PRR5L: variants seen among roughly 807,000 people sequenced by gnomAD.
PRR5L encodes proline-rich protein 5-like.
A neutral mutation model predicts 36.4 loss-of-function variants in PRR5L; 21 were observed. That is an observed-to-expected ratio of 0.58 (90% confidence interval 0.41 to 0.83). The LOEUF is 0.83. Ranked by LOEUF, PRR5L falls within the 40% of genes least tolerant of loss-of-function variation. PRR5L has a pLI of 0.00. For missense variants in PRR5L, 381 were observed against 473.3 expected, an observed-to-expected ratio of 0.80 and a Z score of 1.81; for synonymous variants, 188 against 197.0, an observed-to-expected ratio of 0.95 and a Z score of 0.38.
chr11:36,403,642 T>C (rs971567403), intron 3 of PRR5L, among the ~76,000 whole-genome samples: 2 of 152,168 alleles, frequency 1.3e-5, no homozygotes, highest in African/African-American at 4.8e-5. Context: ...ATGGCAGCTG[T>C]CATTTATTCT....
At chr11:36,320,140 G>A (rs923027976) in intron 1 of PRR5L, among the ~76,000 whole-genome samples, 1 of 151,930 alleles carries the variant, frequency 6.6e-6, no homozygotes, top group African/African-American at 2.4e-5. Context: ...TTGTGTCGTC[G>A]TACCTCTGCC....
chr11:36,320,369 G>A (rs977297655), intron 1 of PRR5L, among the ~76,000 whole-genome samples: 18 of 150,978 alleles, frequency 1.2e-4, no homozygotes, highest in Admixed American at 5.3e-4. Context: ...TCAGCCTCCC[G>A]AGTAACTGGG....
In PRR5L at chr11:36,401,187, T is replaced by C. The variant is rs1200352198; in HGVS notation, c.66T>C (p.Pro22=). The change falls in exon 2 of 9, where the codon CCT becomes CCC. Residue 22 remains proline, a synonymous_variant. Coordinates refer to ENST00000530639, the MANE Select transcript of PRR5L (RefSeq NM_001160167.2). The stretch of plus-strand genomic sequence containing the variant: ...ACAAGATGGGCTCCTTCCGCAGGCC[T>C]AGACCGCGCTTCATGAGCTCCCCCG... ...EFHKMGSFRR[P]RPRFMSSPVL... 6.2e-7 allele frequency: 1 copy of C among 1,614,008 alleles called. No individual in the cohort carries two copies. Among genetic ancestry groups the C allele is most frequent in the African/African-American group, 1.3e-5 (1 of 74,920 alleles).
At chr11:36,374,089 C>T (rs1857225981) in intron 1 of PRR5L, among the ~76,000 whole-genome samples, 1 of 118,126 alleles carries the variant, frequency 8.5e-6, no homozygotes. Flanking sequence ...TTCCTTCCTT[C>T]CTTCCTTCCT....
chr11:36,452,701 C>T (rs1411330653), intron 8 of PRR5L, among the ~76,000 whole-genome samples: 1 of 152,226 alleles, frequency 6.6e-6, no homozygotes, highest in Non-Finnish European at 1.5e-5. Context: ...ACTGGGGCAT[C>T]CAGGGAGCTG....
chr11:36,454,834 A>G (rs989649655), intron 8 of PRR5L: 1 of 152,316 alleles, frequency 6.6e-6, no homozygotes, highest in Admixed American at 6.5e-5. Flanking sequence ...CATAGGTCAG[A>G]GGCCCACGAT....
rs1859267566 is a variant in PRR5L, at chr11:36,465,014, T to TGGA, written c.*2280_*2282dup. Reference sequence around the variant, plus strand: ...GTCATGTTAGCTATCAGAGAGCTATTGGAGTGAGAGCTGAGGTGTCCTTAA... The same window carrying TGGA: ...GTCATGTTAGCTATCAGAGAGCTATTGGAGGAGTGAGAGCTGAGGTGTCCTTAA... On this transcript the variant is annotated 3_prime_UTR_variant, in exon 9 of 9. Coordinates refer to ENST00000530639, the MANE Select transcript of PRR5L (RefSeq NM_001160167.2). 1 of 152,230 alleles carries TGGA rather than the reference T, an allele frequency of 6.6e-6. No homozygotes were observed. Among genetic ancestry groups the TGGA allele is most frequent in the African/African-American group, 2.4e-5 (1 of 41,458 alleles). The allele number at this position is 152,230 out of a possible 1,614,324, so 9.4% of individuals were successfully genotyped here.
chr11:36,304,099 C>T (rs1197785315), intron 1 of PRR5L, among the ~76,000 whole-genome samples: 3 of 152,174 alleles, frequency 2.0e-5, no homozygotes, highest in African/African-American at 7.2e-5. Flanking sequence ...GAGGCCATTC[C>T]TCAGTTATAT....
intron 3 of PRR5L, among the ~76,000 whole-genome samples, chr11:36,417,454 A>T (rs1484533137): frequency 6.6e-6 from 1 of 152,168 alleles, no homozygotes; most frequent in African/African-American, 2.4e-5. Context: ...ACCCGCTCTT[A>T]GTCCAGTGGC....
intron 1 of PRR5L, among the ~76,000 whole-genome samples, chr11:36,315,352 C>A (rs1250916018): frequency 6.6e-6 from 1 of 152,162 alleles, no homozygotes; most frequent in Non-Finnish European, 1.5e-5. Flanking sequence ...TATTTGCCTC[C>A]TTTCCTGATG....
intron 1 of PRR5L, among the ~76,000 whole-genome samples, chr11:36,342,748 T>TA (rs1186049337): frequency 1.3e-5 from 2 of 152,204 alleles, no homozygotes; most frequent in African/African-American, 4.8e-5. Context: ...CTCAGTGTTC[T>TA]GACCAGAGAC....
chr11:36,336,852 A>G (rs957709210), intron 1 of PRR5L, among the ~76,000 whole-genome samples: 3 of 152,024 alleles, frequency 2.0e-5, no homozygotes, highest in African/African-American at 7.2e-5. Context: ...ATCTCATATC[A>G]TTATTTACTT....
intron 1 of PRR5L, among the ~76,000 whole-genome samples, chr11:36,369,012 G>A (rs1272380493): frequency 1.3e-5 from 2 of 152,186 alleles, no homozygotes; most frequent in African/African-American, 4.8e-5. Flanking sequence ...GAAAGAAGTC[G>A]AAGTGTAGGG....
At chr11:36,300,353 A>T (rs1306942423) in intron 1 of PRR5L, among the ~76,000 whole-genome samples, 1 of 152,006 alleles carries the variant, frequency 6.6e-6, no homozygotes, top group African/African-American at 2.4e-5. Context: ...TTTTTAAATG[A>T]CCAGCTTTCT....
intron 1 of PRR5L, among the ~76,000 whole-genome samples, chr11:36,385,712 A>G (rs1043602593): frequency 2.5e-4 from 38 of 152,190 alleles, no homozygotes; most frequent in Non-Finnish European, 4.7e-4. Flanking sequence ...GTCAGTGTTC[A>G]TTCTTTGGCC....
Position 36,377,911 on chromosome 11 carries a change from G to A in PRR5L, c.-125-23086G>A, listed in dbSNP as rs913858730. On this transcript the variant is annotated intron_variant, in intron 1 of 8. Transcript: ENST00000530639. The surrounding 1 kb of genome is among the most constrained non-coding windows in gnomAD (Gnocchi z 5.1). Reference sequence around the variant, plus strand: ...GCTTGGGCAGAATTCTGGACCTGTTGCCCAGACGACACGTGCACATTCAGA... The same window carrying A: ...GCTTGGGCAGAATTCTGGACCTGTTACCCAGACGACACGTGCACATTCAGA... Among the ~76,000 whole-genome samples the A allele has an allele frequency of 6.6e-6, 1 of 152,156 alleles. No individual in the cohort carries two copies. Among genetic ancestry groups the A allele is most frequent in the South Asian group, 2.1e-4 (1 of 4,828 alleles).
intron 3 of PRR5L, among the ~76,000 whole-genome samples, chr11:36,403,916 A>G (rs531427341): frequency 1.4e-4 from 22 of 152,346 alleles, no homozygotes; most frequent in African/African-American, 4.8e-4. Context: ...AAATGTAAAC[A>G]TGCAACTAAG....
At chr11:36,316,938 A>G (rs1333285413) in intron 1 of PRR5L, among the ~76,000 whole-genome samples, 2 of 152,166 alleles carry the variant, frequency 1.3e-5, no homozygotes, top group African/African-American at 4.8e-5. Flanking sequence ...ATGAACAAGG[A>G]CAGCTTAAAT....
intron 4 of PRR5L, among the ~76,000 whole-genome samples, chr11:36,422,907 T>G (rs2133586985): frequency 6.6e-6 from 1 of 152,330 alleles, no homozygotes; most frequent in Non-Finnish European, 1.5e-5. Flanking sequence ...GAGGGATAAT[T>G]GGTTTCTTGT....
Sources: allele counts gnomAD v4.1 joint callset (sites outside exome capture counted in the v4.1 genomes callset), GRCh38; gene constraint gnomAD v4.1.1; non-coding constraint Gnocchi (gnomAD v3.1); transcripts MANE v1.5; gene names NCBI Gene and HGNC (gene_info 2026-07-23, HGNC 2026-07-21).